NT5C1B: variants seen among roughly 807,000 people sequenced by gnomAD.
NT5C1B encodes the protein 5'-nucleotidase, cytosolic IB, also known as cytosolic 5'-nucleotidase 1B.
In NT5C1B, 44 loss-of-function variants were observed where a neutral mutation model predicts 57.8. The ratio of observed to expected loss-of-function variants is 0.76; its 90% CI spans 0.60 to 0.98. The LOEUF is 0.98. Among genes scored for constraint, NT5C1B ranks in the 50% least tolerant of loss-of-function variants. The pLI is 0.00. For synonymous variants in NT5C1B, 284 were observed against 282.6 expected (o/e 1.00, Z -0.05); for missense variants, 742 against 719.5 (o/e 1.03, Z -0.36).
At chr2:18,589,029 T>C (rs1666967347) in intron 1 of NT5C1B, among the ~76,000 whole-genome samples, 1 of 152,184 alleles carries the variant, frequency 6.6e-6, no homozygotes, top group Non-Finnish European at 1.5e-5. Context: ...AGTGAAATAT[T>C]GCCCTGTGTT....
chr2:18,566,491 C>T (rs943026750), intron 8 of NT5C1B, among the ~76,000 whole-genome samples: 5 of 152,120 alleles, frequency 3.3e-5, no homozygotes, highest in Non-Finnish European at 7.4e-5. Flanking sequence ...GTTTTTATGA[C>T]AAAAGCAGAA....
exon 9 of NT5C1B, chr2:18,562,932 CA>C (rs1281408517): frequency 6.6e-6 from 1 of 152,110 alleles, no homozygotes; most frequent in African/African-American, 2.4e-5. Context: ...ATAACCAGGT[CA>C]CTGTGCCTAA....
intron 8 of NT5C1B, among the ~76,000 whole-genome samples, chr2:18,568,476 A>G (rs184106946): frequency 6.6e-6 from 1 of 150,656 alleles, no homozygotes; most frequent in African/African-American, 2.4e-5. Context: ...GAATATGATA[A>G]CAGAGAAAAA....
At chr2:18,583,950 G>C in intron 5 of NT5C1B, 138 bp downstream of exon 5, 2 of 1,473,438 alleles carry the variant, frequency 1.4e-6, no homozygotes, top group Non-Finnish European at 1.9e-6. Flanking sequence ...AAACTGACCT[G>C]GGTCAGCTAG....
chr2:18,578,002 A>G (rs1220967261), intron 6 of NT5C1B, among the ~76,000 whole-genome samples: 2 of 152,180 alleles, frequency 1.3e-5, no homozygotes, highest in Admixed American at 6.5e-5. Flanking sequence ...ACCTCTATGC[A>G]TAGAAACTAG....
chr2:18,585,586 T>C (rs910906354), intron 3 of NT5C1B, among the ~76,000 whole-genome samples: 2 of 152,158 alleles, frequency 1.3e-5, no homozygotes, highest in Non-Finnish European at 2.9e-5. Context: ...CACAGTTACA[T>C]AGAATCATCT....
intron 8 of NT5C1B, among the ~76,000 whole-genome samples, chr2:18,574,778 T>C (rs1665525646): frequency 6.6e-6 from 1 of 152,100 alleles, no homozygotes; most frequent in South Asian, 2.1e-4. Flanking sequence ...TATTGTACAC[T>C]TAAAAACTTG....
In NT5C1B at chr2:18,584,623, G is replaced by C. The variant is rs1356639918; in HGVS notation, c.614C>G (p.Ser205Cys). 1.9e-6 allele frequency: 3 copies of C among 1,612,940 alleles called. No individual in the cohort carries two copies. Among genetic ancestry groups the C allele is most frequent in the Non-Finnish European group, 2.5e-6 (3 of 1,179,662 alleles). ...CTCCCGCTGCTGCTGCTGCTGCTCGGACAGAGAGTTGCGGTCCAGCTGGGT... is the reference window on the plus strand; with the variant it reads ...CTCCCGCTGCTGCTGCTGCTGCTCGCACAGAGAGTTGCGGTCCAGCTGGGT... The change falls in exon 4 of 9, where the codon TCC becomes TGC. Residue 205 changes from serine (S) to cysteine (C), a missense_variant. Transcript: ENST00000304081. This position sits in a 1 kb window ranked among gnomAD's most constrained non-coding sequence, Gnocchi z 5.8.
At chr2:18,585,077 G>C in intron 3 of NT5C1B, 99 bp from the exon 4 acceptor site, 1 of 1,499,000 alleles carries the variant, frequency 6.7e-7, no homozygotes. Flanking sequence ...ACCTTTGATG[G>C]GTGCTGGTTC....
chr2:18,566,921 A>G (rs1414595794), intron 8 of NT5C1B, among the ~76,000 whole-genome samples: 1 of 152,212 alleles, frequency 6.6e-6, no homozygotes, highest in African/African-American at 2.4e-5. Flanking sequence ...TCAAGAAGAC[A>G]TGGAGTGCAA....
At chr2:18,586,087 C>T (rs919511158) in intron 3 of NT5C1B, among the ~76,000 whole-genome samples, 167 bp downstream of exon 3, 1 of 152,206 alleles carries the variant, frequency 6.6e-6, no homozygotes, top group Admixed American at 6.5e-5. Context: ...CTTCAGGTTT[C>T]TCAGTGGCAA....
Position 18,584,142 on chromosome 2 carries a change from C to A in NT5C1B, c.837G>T (p.Gln279His). 6.2e-7 allele frequency: 1 copy of A among 1,614,166 alleles called. No individual in the cohort carries two copies. Among genetic ancestry groups the A allele is most frequent in the Non-Finnish European group, 8.5e-7 (1 of 1,180,040 alleles). Reference sequence around the variant, plus strand: ...TCAGGATGACGTTCTCATTGGTGAGCTGATACTCCATGTACTTTTCCAGAC... The same window carrying A: ...TCAGGATGACGTTCTCATTGGTGAGATGATACTCCATGTACTTTTCCAGAC... Residue 279 changes from glutamine to histidine, a missense_variant, in exon 5 of 9, where the codon CAG becomes CAT. Coordinates refer to ENST00000304081, the Ensembl canonical transcript of NT5C1B. The surrounding 1 kb of genome is among the most constrained non-coding windows in gnomAD (Gnocchi z 5.8).
Position 18,584,463 on chromosome 2 carries a change from G to A in NT5C1B, c.723+51C>T, listed in dbSNP as rs371602693. ...GCAGTGGAGAGGAGGGCGGCTGGAA[G>A]AGGCTGCAAGGAAGGGCGCCCCGGC... On this transcript the variant is annotated intron_variant, in intron 4 of 8. Coordinates refer to ENST00000304081, the Ensembl canonical transcript of NT5C1B. The surrounding 1 kb of genome is among the most constrained non-coding windows in gnomAD (Gnocchi z 5.8). 2 of 1,577,780 alleles carry A rather than the reference G, an allele frequency of 1.3e-6. No homozygotes were observed. The highest frequency in any genetic ancestry group is 1.7e-6 in the Non-Finnish European group (2 of 1,163,178).
intron 8 of NT5C1B, among the ~76,000 whole-genome samples, chr2:18,571,416 C>T (rs1665138406): frequency 6.6e-6 from 1 of 150,660 alleles, no homozygotes; most frequent in African/African-American, 2.4e-5. Context: ...TATGATAGTA[C>T]CAAAATATTA....
chr2:18,582,200 T>C (rs1666245044), intron 6 of NT5C1B, among the ~76,000 whole-genome samples: 1 of 152,218 alleles, frequency 6.6e-6, no homozygotes, highest in African/African-American at 2.4e-5. Context: ...GTTAGAATAA[T>C]ATAAAGTAAA....
At chr2:18,568,087 GACACACACACACAC>G (rs3046807) in intron 8 of NT5C1B, among the ~76,000 whole-genome samples, 4,648 of 142,694 alleles carry the variant, frequency 0.033, 253 homozygotes, top group African/African-American at 0.11. Context: ...AATGCTGTGG[GACACACACACACAC>G]ACACACACAC....
chr2:18,580,625 A>G (rs1290921841), intron 6 of NT5C1B, among the ~76,000 whole-genome samples: 1 of 152,214 alleles, frequency 6.6e-6, no homozygotes, highest in Non-Finnish European at 1.5e-5. Flanking sequence ...CAAAAAAAAC[A>G]AAAAGAATAT....
At position 18,564,497 on chromosome 2, in the gene NT5C1B, T is replaced by C. The variant is rs535839145; in HGVS notation, c.1330-378A>G. 1.1e-4 allele frequency among the ~76,000 whole-genome samples: 16 copies of C among 152,332 alleles called. No homozygotes were observed. In the East Asian group the frequency reaches 2.7e-3, roughly 26 times the overall value. ...AATTAGTTACCAAAGCACTACTCTT[T>C]TAATTTGCTTTTTGTGAATTGTGCA... On this transcript the variant is annotated intron_variant, in intron 8 of 8. Transcript: ENST00000304081.
rs1666551751 is a variant in NT5C1B, at chr2:18,584,883, C to T, written c.354G>A (p.Gln118=). Residue 118 remains glutamine, a synonymous_variant, in exon 4 of 9, where the codon CAG becomes CAA. Transcript: ENST00000304081. The surrounding 1 kb of genome is among the most constrained non-coding windows in gnomAD (Gnocchi z 5.8). Reference sequence around the variant, plus strand: ...GGGGCAGCTGGGGCGACGCGGGTGGCTGGAGCGAGGGCTGCCCGGACAGCG... The same window carrying T: ...GGGGCAGCTGGGGCGACGCGGGTGGTTGGAGCGAGGGCTGCCCGGACAGCG... 5.7e-6 allele frequency: 9 copies of T among 1,588,874 alleles called. No homozygotes were observed. Among genetic ancestry groups the T allele is most frequent in the Non-Finnish European group, 7.7e-6 (9 of 1,170,934 alleles).
Sources: gnomAD v4.1 joint callset for allele counts (sites outside exome capture counted in the v4.1 genomes callset) on GRCh38, gnomAD v4.1.1 for gene constraint, Gnocchi (gnomAD v3.1) non-coding constraint, MANE v1.5 for transcripts, NCBI Gene and HGNC (gene_info 2026-07-23, HGNC 2026-07-21) for gene names.